KIF26B: variants seen among roughly 807,000 people sequenced by gnomAD.
KIF26B encodes the protein kinesin family member 26B.
Under a neutral mutation model 151.2 loss-of-function variants are expected in KIF26B, and 63 were observed. The ratio of observed to expected loss-of-function variants is 0.42; its 90% CI spans 0.34 to 0.51. The LOEUF (loss-of-function observed/expected upper bound fraction) is 0.51, where lower values mean the gene tolerates loss of function less well. Among genes scored for constraint, KIF26B ranks in the 20% least tolerant of loss-of-function variants. KIF26B has a pLI of 0.07. For missense variants in KIF26B, 2,813 were observed against 2,913.6 expected (o/e 0.97, Z 0.79); for synonymous variants, 1,357 against 1,262.1 (o/e 1.08, Z -1.59).
At position 245,155,580 on chromosome 1, in the gene KIF26B, G is replaced by C. The variant is rs933815567; in HGVS notation, c.63+93G>C. 4.3e-6 allele frequency: 5 copies of C among 1,153,326 alleles called. No individual in the cohort carries two copies. The African/African-American group carries it at 8.0e-5, about 18-fold the overall frequency. The allele number at this position is 1,153,326 out of a possible 1,614,324, so 71.4% of individuals were successfully genotyped here. A position where few individuals can be genotyped will look rare whatever the true frequency, so the allele number is the denominator to read the frequency against. ...CGGGATCGTGCGGCCCCGGCCCCGAGCTCTCCCCCGCTGCAGAGGCGCCCC... is the reference window on the plus strand; with the variant it reads ...CGGGATCGTGCGGCCCCGGCCCCGACCTCTCCCCCGCTGCAGAGGCGCCCC... On this transcript the variant is annotated intron_variant, in intron 1 of 14. Coordinates refer to ENST00000407071, the MANE Select transcript of KIF26B (RefSeq NM_018012.4).
At chr1:245,646,314 G>A (rs761548465) in intron 10 of KIF26B, 34 bp downstream of exon 10, 1 of 1,606,958 alleles carries the variant, frequency 6.2e-7, no homozygotes, top group East Asian at 2.2e-5. Context: ...AATGTGGTGG[G>A]GTAAGCATGG....
intron 2 of KIF26B, among the ~76,000 whole-genome samples, chr1:245,360,122 C>T (rs1236040801): frequency 6.6e-6 from 1 of 151,914 alleles, no homozygotes. Flanking sequence ...ATCCACCCAC[C>T]TTGACCTCCC....
At chr1:245,272,716 T>A (rs1670873963) in intron 2 of KIF26B, among the ~76,000 whole-genome samples, 1 of 152,186 alleles carries the variant, frequency 6.6e-6, no homozygotes, top group African/African-American at 2.4e-5. Flanking sequence ...TTTGGTGTGT[T>A]GTATTTTCAT....
At chr1:245,347,606 A>T (rs1672480733) in intron 2 of KIF26B, among the ~76,000 whole-genome samples, 1 of 152,190 alleles carries the variant, frequency 6.6e-6, no homozygotes, top group African/African-American at 2.4e-5. Flanking sequence ...GAGCCACTGC[A>T]CTTGGCCTGT....
In KIF26B at chr1:245,572,030, C is replaced by A. The variant is rs2043070602; in HGVS notation, c.1351-30547C>A. On this transcript the variant is annotated intron_variant, in intron 5 of 14. Transcript: ENST00000407071. The surrounding 1 kb of genome is among the most constrained non-coding windows in gnomAD (Gnocchi z 4.2). Reference sequence around the variant, plus strand: ...ATGGGGGATTCTGTTAGAACAATATCCTCAGGGAATAGCTTTTATCTGCTA... The same window carrying A: ...ATGGGGGATTCTGTTAGAACAATATACTCAGGGAATAGCTTTTATCTGCTA... Among the ~76,000 whole-genome samples the A allele has an allele frequency of 6.6e-6, 1 of 152,124 alleles. No homozygotes were observed. Among genetic ancestry groups the A allele is most frequent in the Non-Finnish European group, 1.5e-5 (1 of 68,030 alleles).
intron 12 of KIF26B, among the ~76,000 whole-genome samples, chr1:245,692,522 C>T (rs990155674): frequency 8.6e-5 from 13 of 151,952 alleles, no homozygotes; most frequent in South Asian, 2.1e-4. Flanking sequence ...AAACTCCCAG[C>T]GGCAAGAGCC....
intron 2 of KIF26B, among the ~76,000 whole-genome samples, chr1:245,242,562 A>G (rs993082391): frequency 1.3e-5 from 2 of 152,216 alleles, no homozygotes; most frequent in African/African-American, 4.8e-5. Context: ...TTTTCACTCA[A>G]TATGATGTTT....
chr1:245,280,247 C>A (rs1472977734), intron 2 of KIF26B, among the ~76,000 whole-genome samples: 4 of 151,734 alleles, frequency 2.6e-5, no homozygotes, highest in Non-Finnish European at 5.9e-5. Flanking sequence ...GGTGCGGTGG[C>A]TCACGCCTGT....
intron 5 of KIF26B, among the ~76,000 whole-genome samples, chr1:245,548,387 A>T (rs77356874): frequency 0.016 from 2,452 of 152,310 alleles, 83 homozygotes; most frequent in African/African-American, 0.056. Flanking sequence ...AGGCAGAAAC[A>T]GTGAAAACAT....
chr1:245,541,678 A>G (rs57034641), intron 5 of KIF26B, among the ~76,000 whole-genome samples: 4,842 of 152,292 alleles, frequency 0.032, 281 homozygotes, highest in African/African-American at 0.11. Context: ...ATTTTTATCA[A>G]AAGTAGGAGT....
chr1:245,210,079 C>G (rs1669484283), intron 2 of KIF26B, among the ~76,000 whole-genome samples: 1 of 152,246 alleles, frequency 6.6e-6, no homozygotes, highest in Admixed American at 6.5e-5. Flanking sequence ...CTGTGCCATG[C>G]AGCTGGTTGG....
intron 3 of KIF26B, among the ~76,000 whole-genome samples, chr1:245,379,163 C>A (rs997200296): frequency 2.0e-5 from 3 of 152,196 alleles, no homozygotes; most frequent in African/African-American, 7.2e-5. Context: ...TGAAAACATT[C>A]CCTCCTTGAC....
intron 2 of KIF26B, among the ~76,000 whole-genome samples, chr1:245,323,005 A>G (rs1040301874): frequency 2.6e-5 from 4 of 152,206 alleles, no homozygotes; most frequent in Admixed American, 2.6e-4. Context: ...GGCAAGTCCT[A>G]TTGATAGTTG....
intron 2 of KIF26B, among the ~76,000 whole-genome samples, chr1:245,273,121 G>A (rs1670880402): frequency 6.6e-6 from 1 of 151,872 alleles, no homozygotes; most frequent in South Asian, 2.1e-4. Flanking sequence ...ATTATTGAAA[G>A]TGGGATATTG....
intron 10 of KIF26B, 131 bp downstream of exon 10, chr1:245,646,411 C>T (rs559780976): frequency 1.1e-6 from 1 of 896,976 alleles, no homozygotes; most frequent in East Asian, 2.7e-5. Flanking sequence ...GTGCCAGAGA[C>T]CAGCCTTAGC....
At chr1:245,652,703 G>A (rs1180725137) in intron 10 of KIF26B, among the ~76,000 whole-genome samples, 3 of 152,118 alleles carry the variant, frequency 2.0e-5, no homozygotes, top group Admixed American at 1.3e-4. Flanking sequence ...TTGTTCTGCC[G>A]CTAGTTTGAC....
chr1:245,299,268 A>G (rs1302439352), intron 2 of KIF26B, among the ~76,000 whole-genome samples: 2 of 151,382 alleles, frequency 1.3e-5, no homozygotes, highest in Non-Finnish European at 2.9e-5. Context: ...CCTTTTTCCA[A>G]TAAGTGTGAT....
intron 10 of KIF26B, among the ~76,000 whole-genome samples, chr1:245,648,030 C>T (rs192244069): frequency 5.3e-5 from 8 of 152,208 alleles, no homozygotes; most frequent in African/African-American, 9.6e-5. Flanking sequence ...GGAGGGAAAC[C>T]GTTGGAGTTG....
chr1:245,683,753 A>T (rs2044469942), intron 10 of KIF26B, among the ~76,000 whole-genome samples: 2 of 152,168 alleles, frequency 1.3e-5, no homozygotes, highest in Non-Finnish European at 2.9e-5. Flanking sequence ...GGCTAAAGGA[A>T]CTGTGCAGGT....
Sources: allele counts gnomAD v4.1 joint callset (sites outside exome capture counted in the v4.1 genomes callset), GRCh38; gene constraint gnomAD v4.1.1; non-coding constraint Gnocchi (gnomAD v3.1); transcripts MANE v1.5; gene names NCBI Gene and HGNC (gene_info 2026-07-23, HGNC 2026-07-21).